AKAP13: variants seen among roughly 807,000 people sequenced by gnomAD.
AKAP13 encodes A-kinase anchoring protein 13, also known as A-kinase anchor protein 13.
AKAP13 carries 80 observed loss-of-function variants against 264.5 expected under a neutral mutation model. The ratio of observed to expected loss-of-function variants is 0.30; its 90% CI spans 0.25 to 0.36. The LOEUF (loss-of-function observed/expected upper bound fraction) is 0.36, where lower values mean the gene tolerates loss of function less well. Ranked by LOEUF, AKAP13 falls within the 10% of genes least tolerant of loss-of-function variation. The pLI, the probability that AKAP13 is intolerant of heterozygous loss-of-function variation, is 1.00. For synonymous variants in AKAP13, 1,380 were observed against 1,250.2 expected (o/e 1.10, Z -2.19); for missense variants, 3,712 against 3,435.2 (o/e 1.08, Z -2.01).
intron 1 of AKAP13, among the ~76,000 whole-genome samples, chr15:85,458,016 T>A (rs1418071680): frequency 6.6e-6 from 1 of 151,970 alleles, no homozygotes; most frequent in Admixed American, 6.6e-5. Flanking sequence ...GGCGCCCGCC[T>A]GTAATCCCAC....
chr15:85,535,873 C>T (rs951499512), intron 4 of AKAP13: 15 of 150,380 alleles, frequency 1.0e-4, no homozygotes, highest in African/African-American at 3.2e-4. Context: ...AATCTCGGCT[C>T]ACTGCAACCT....
chr15:85,588,397 G>C (rs531699918), intron 8 of AKAP13, among the ~76,000 whole-genome samples: 1 of 152,164 alleles, frequency 6.6e-6, no homozygotes, highest in Non-Finnish European at 1.5e-5. Context: ...GCATGGGTAC[G>C]TGTGTCTTTG....
At position 85,677,129 on chromosome 15, in the gene AKAP13, G is replaced by A. The variant is rs556399947; in HGVS notation, c.5102-5029G>A. 1.6e-4 allele frequency: 158 copies of A among 985,470 alleles called. No individual in the cohort carries two copies. In the African/African-American group the frequency reaches 2.5e-3, roughly 16 times the overall value. 61.0% of individuals were successfully genotyped at this position (985,470 alleles called of 1,614,324 possible). ...TAAGCAACTTTGGTGTCCAGTGACT[G>A]TTCTTGAAGGTCTGACCAGCTCAGA... On this transcript the variant is annotated intron_variant, in intron 14 of 36. Transcript: ENST00000394518.
At position 85,727,034 on chromosome 15, in the gene AKAP13, T is replaced by TA; in HGVS notation, c.6823-31dup. ...CTTCAGAGTTAGAATATTGTATATG[T>TA]ATCTTTTATTTGCCCTCTTCCCTTT... On this transcript the variant is annotated intron_variant, in intron 27 of 36. Coordinates refer to ENST00000394518, the MANE Select transcript of AKAP13 (RefSeq NM_007200.5). The surrounding 1 kb of genome is among the most constrained non-coding windows in gnomAD (Gnocchi z 5.3). 6.2e-7 allele frequency: 1 copy of TA among 1,612,096 alleles called. No individual in the cohort carries two copies. Among genetic ancestry groups the TA allele is most frequent in the Non-Finnish European group, 8.5e-7 (1 of 1,178,340 alleles).
intron 2 of AKAP13, among the ~76,000 whole-genome samples, chr15:85,494,087 A>G (rs552058146): frequency 3.3e-5 from 5 of 152,200 alleles, no homozygotes; most frequent in Non-Finnish European, 1.5e-5. Flanking sequence ...AGAGGGGGAA[A>G]GTGAACAACT....
chr15:85,575,234 A>G lies in AKAP13; in HGVS notation c.766A>G (p.Thr256Ala), dbSNP rs1263484044. 1.2e-6 allele frequency: 2 copies of G among 1,613,852 alleles called. No individual in the cohort carries two copies. Among genetic ancestry groups the G allele is most frequent in the African/African-American group, 2.7e-5 (2 of 74,832 alleles). ...TCGAGAGTTGGACATCTATACATTAACCTCTGAGTCTGATTCACATCATGA... is the reference window on the plus strand; with the variant it reads ...TCGAGAGTTGGACATCTATACATTAGCCTCTGAGTCTGATTCACATCATGA... ...HHRELDIYTL[T>A]SESDSHHEHP... is the part of the protein sequence containing the mutation. Residue 256 changes from threonine to alanine, a missense_variant, in exon 6 of 37, where the codon ACC (threonine) becomes GCC (alanine). Physicochemically the swap from Thr to Ala is moderately conservative, Grantham distance 58 (BLOSUM62 0). Around this residue, in one of 3 missense-constraint regions of AKAP13, gnomAD observed 2,759 missense variants for 2,411.7 expected, o/e 1.14. Transcript: ENST00000394518.
At chr15:85,504,539 A>AAAAAAAAAAT (rs2076145526) in intron 2 of AKAP13, among the ~76,000 whole-genome samples, 1 of 141,694 alleles carries the variant, frequency 7.1e-6, no homozygotes, top group East Asian at 2.0e-4. Context: ...AAAAAAAGAA[A>AAAAAAAAAAT]AAATTAGCCA....
At chr15:85,387,197 G>GTGGT (rs1355670110) in intron 1 of AKAP13, among the ~76,000 whole-genome samples, 49 of 151,992 alleles carry the variant, frequency 3.2e-4, no homozygotes, top group Non-Finnish European at 1.0e-4. Flanking sequence ...ATAGCTGGGC[G>GTGGT]TGGTGGTGGG....
chr15:85,670,799 T>C (rs992969545), intron 14 of AKAP13: 1 of 152,044 alleles, frequency 6.6e-6, no homozygotes, highest in African/African-American at 2.4e-5. Context: ...CTGAAAGGGG[T>C]TAGTGGACCT....
intron 11 of AKAP13, 114 bp from the exon 12 acceptor site, chr15:85,658,423 G>A (rs2151527658): frequency 7.4e-6 from 6 of 814,470 alleles, no homozygotes; most frequent in Non-Finnish European, 1.2e-5. Context: ...TCTTGCCTGT[G>A]CCATTTCTCT....
chr15:85,745,363 TATAA>T lies in AKAP13; in HGVS notation c.*688_*691del, dbSNP rs1288571342. On this transcript the variant is annotated 3_prime_UTR_variant, in exon 37 of 37. Coordinates refer to ENST00000394518, the MANE Select transcript of AKAP13 (RefSeq NM_007200.5). ...AACCAGTGAGAGAAGGCTTGATGTG[TATAA>T]AAGACGTGATGTGCACCACCTCGAT... 1 of 151,968 alleles carries T rather than the reference TATAA, an allele frequency of 6.6e-6. No homozygotes were observed. The highest frequency in any genetic ancestry group is 1.5e-5 in the Non-Finnish European group (1 of 68,010). 9.4% of individuals were successfully genotyped at this position (151,968 alleles called of 1,614,324 possible). A position where few individuals can be genotyped will look rare whatever the true frequency, so the allele number is the denominator to read the frequency against.
At chr15:85,737,860 A>G (rs1346101422) in intron 33 of AKAP13, among the ~76,000 whole-genome samples, 1 of 151,912 alleles carries the variant, frequency 6.6e-6, no homozygotes, top group Admixed American at 6.6e-5. Context: ...GCTGGTCTCG[A>G]ACTCCTGACC....
chr15:85,505,740 T>C (rs546037175), intron 2 of AKAP13, among the ~76,000 whole-genome samples: 142 of 152,310 alleles, frequency 9.3e-4, no homozygotes, highest in Admixed American at 1.4e-3. Flanking sequence ...GTTTCAAGAA[T>C]GCGTTTTATT....
At chr15:85,601,745 A>T (rs919598228) in intron 8 of AKAP13, among the ~76,000 whole-genome samples, 3 of 151,930 alleles carry the variant, frequency 2.0e-5, no homozygotes, top group African/African-American at 4.8e-5. Context: ...TAAGAGCCCC[A>T]AAGAGCTTTT....
At chr15:85,658,393 C>G in intron 11 of AKAP13, 144 bp from the exon 12 acceptor site, 1 of 579,642 alleles carries the variant, frequency 1.7e-6, no homozygotes, top group Non-Finnish European at 2.9e-6. Context: ...ATGTTTTTCT[C>G]ATTCCACATT....
chr15:85,717,406 A>G lies in AKAP13; in HGVS notation c.5848+4A>G, dbSNP rs1567211301. 6 of 1,599,688 alleles carry G rather than the reference A, an allele frequency of 3.8e-6. No individual in the cohort carries two copies. Among genetic ancestry groups the G allele is most frequent in the Non-Finnish European group, 4.3e-6 (5 of 1,168,004 alleles). ...ACAGAATCACTTACTGATGAGGGTA[A>G]GAGGAAGTTATGGCCTTTATTTTAT... On this transcript the variant is annotated splice_donor_region_variant and intron_variant, in intron 21 of 36. Transcript: ENST00000394518.
chr15:85,685,223 A>C, intron 16 of AKAP13: 2 of 166,280 alleles, frequency 1.2e-5, no homozygotes, highest in Non-Finnish European at 2.6e-5. Context: ...TTGGTTTCAA[A>C]TCCCATACTC....
At chr15:85,475,974 T>C (rs1451625507) in intron 1 of AKAP13, among the ~76,000 whole-genome samples, 1 of 152,022 alleles carries the variant, frequency 6.6e-6, no homozygotes, top group African/African-American at 2.4e-5. Context: ...TGCAATGCAG[T>C]AGACTAGATT....
Position 85,741,120 on chromosome 15 carries a change from C to T in AKAP13, c.7683C>T (p.Ser2561=), listed in dbSNP as rs1466837117. The T allele has an allele frequency of 3.1e-6, 5 of 1,613,678 alleles. No individual in the cohort carries two copies. Among genetic ancestry groups the T allele is most frequent in the Non-Finnish European group, 4.2e-6 (5 of 1,179,868 alleles). The stretch of plus-strand genomic sequence containing the variant: ...TGAGCGAGAGGGCGCTCACTCGCAG[C>T]TTGTCCCGCCCGAGCTCCCTCATTG... ...LVLSERALTR[S]LSRPSSLIEQ... Residue 2561 remains serine (S), a synonymous_variant, in exon 35 of 37, where the codon AGC becomes AGT. Transcript: ENST00000394518.
Sources: allele counts gnomAD v4.1 joint callset (sites outside exome capture counted in the v4.1 genomes callset), GRCh38; gene constraint gnomAD v4.1.1; regional missense constraint gnomAD v4.1.1; non-coding constraint Gnocchi (gnomAD v3.1); transcripts MANE v1.5; gene names NCBI Gene and HGNC (gene_info 2026-07-23, HGNC 2026-07-21).